The following SMCHD1 variants were observed in gnomAD, a reference collection of about 807,000 sequenced individuals.
SMCHD1 encodes the protein structural maintenance of chromosomes flexible hinge domain containing 1.
Under a neutral mutation model 254.7 loss-of-function variants are expected in SMCHD1, and 78 were observed. The ratio of observed to expected loss-of-function variants is 0.31; its 90% CI spans 0.26 to 0.37. SMCHD1 has a LOEUF of 0.37. SMCHD1 is among the 10% of genes least tolerant of loss of function. The pLI, the probability that SMCHD1 is intolerant of heterozygous loss-of-function variation, is 1.00. For missense variants in SMCHD1, 1,840 were observed against 2,408.1 expected (o/e 0.76, Z 4.94); for synonymous variants, 766 against 794.9 (o/e 0.96, Z 0.61).
intron 44 of SMCHD1, 78 bp downstream of exon 44, chr18:2,778,317 A>G: frequency 9.7e-7 from 1 of 1,027,948 alleles, no homozygotes; most frequent in South Asian, 1.5e-5. Context: ...TACATATACA[A>G]ACGACTAGCC....
chr18:2,743,430 G>A (rs1364497223), intron 28 of SMCHD1, among the ~76,000 whole-genome samples: 1 of 152,126 alleles, frequency 6.6e-6, no homozygotes, highest in Non-Finnish European at 1.5e-5. Context: ...GGTAAATAAT[G>A]TTGCAAACAG....
rs1334130745 is a variant in SMCHD1 at position 2,802,997 on chromosome 18, AG to A, written c.*448del. ...ACAAAGATGTTTTGTCTTTTGTGTAAGGGAGGTTCTAGAGGCTAGATGTTTA... is the reference window on the plus strand; with the variant it reads ...ACAAAGATGTTTTGTCTTTTGTGTAAGGAGGTTCTAGAGGCTAGATGTTTA... On this transcript the variant is annotated 3_prime_UTR_variant, in exon 48 of 48. Transcript: ENST00000320876. The A allele has an allele frequency of 5.2e-5, 8 of 152,428 alleles. No homozygotes were observed. Among genetic ancestry groups the A allele is most frequent in the African/African-American group, 1.7e-4 (7 of 41,408 alleles). 9.4% of individuals were successfully genotyped at this position (152,428 alleles called of 1,614,324 possible).
At chr18:2,800,927 C>A (rs1031619785) in intron 47 of SMCHD1, 1 of 152,066 alleles carries the variant, frequency 6.6e-6, no homozygotes, top group African/African-American at 2.4e-5. Flanking sequence ...GACTAGACCT[C>A]TTTTATAAAA....
intron 3 of SMCHD1, among the ~76,000 whole-genome samples, chr18:2,668,514 C>T (rs2073501540): frequency 6.6e-6 from 1 of 152,194 alleles, no homozygotes; most frequent in South Asian, 2.1e-4. Context: ...AGAGTGACTT[C>T]AGAGCTTGAA....
chr18:2,733,077 A>C (rs557734610), intron 25 of SMCHD1, among the ~76,000 whole-genome samples: 2 of 152,356 alleles, frequency 1.3e-5, no homozygotes, highest in East Asian at 1.9e-4. Context: ...GCCAAATCAA[A>C]ATGTTAAGTC....
chr18:2,796,851 G>A (rs1010666473), intron 47 of SMCHD1: 4 of 228,640 alleles, frequency 1.7e-5, no homozygotes, highest in Non-Finnish European at 3.4e-5. Context: ...TCAAAGTACT[G>A]GGATTACAGG....
chr18:2,662,192 T>TAAAG (rs1239470504), intron 1 of SMCHD1, among the ~76,000 whole-genome samples: 7 of 75,864 alleles, frequency 9.2e-5, no homozygotes, highest in East Asian at 2.6e-4. Context: ...AATAAATAAA[T>TAAAG]AAATAAATAA....
intron 24 of SMCHD1, among the ~76,000 whole-genome samples, chr18:2,729,866 A>G (rs903568715): frequency 6.6e-6 from 1 of 151,738 alleles, no homozygotes. Context: ...GGACCAATGC[A>G]CCTGGTTATT....
chr18:2,802,431 G>T, intron 47 of SMCHD1, 97 bp from the exon 48 acceptor site: 2 of 840,488 alleles, frequency 2.4e-6, no homozygotes, highest in Non-Finnish European at 3.7e-6. Context: ...AAAGAATATG[G>T]TTTCATTGGA....
rs528929842 is a variant in SMCHD1, at chr18:2,658,879, CACATAT to C, written c.186+2620_186+2625del. On this transcript the variant is annotated intron_variant, in intron 1 of 47. Coordinates refer to ENST00000320876, the MANE Select transcript of SMCHD1 (RefSeq NM_015295.3). ...ATATACATATATATACACACATACA[CACATAT>C]ATACACATATATACGTGTATACGCA... is the stretch of plus-strand genomic sequence containing the variant. Among the ~76,000 whole-genome samples the C allele has an allele frequency of 4.1e-3, 617 of 150,028 alleles. 3 individuals carry two copies. Among genetic ancestry groups the C allele is most frequent in the African/African-American group, 0.015 (596 of 40,734 alleles).
intron 45 of SMCHD1, among the ~76,000 whole-genome samples, chr18:2,791,031 AAG>A (rs1278183671): frequency 1.3e-5 from 2 of 152,218 alleles, no homozygotes; most frequent in African/African-American, 4.8e-5. Context: ...TGAAAATTAA[AAG>A]AATTTATTAA....
At chr18:2,687,180 G>A (rs1561821) in intron 5 of SMCHD1, among the ~76,000 whole-genome samples, 30,862 of 151,992 alleles carry the variant, frequency 0.2, 3,366 homozygotes, top group South Asian at 0.33. Context: ...TCAACAATAT[G>A]CACACACCAG....
chr18:2,723,818 C>T (rs1400063182), intron 20 of SMCHD1, among the ~76,000 whole-genome samples: 1 of 152,064 alleles, frequency 6.6e-6, no homozygotes, highest in Non-Finnish European at 1.5e-5. Flanking sequence ...AGTCTTTTTG[C>T]TTGTTTGTTT....
intron 32 of SMCHD1, 90 bp from the exon 33 acceptor site, chr18:2,751,184 TTAAA>T (rs2075564173): frequency 9.0e-6 from 6 of 667,276 alleles, no homozygotes; most frequent in Non-Finnish European, 1.3e-5. Context: ...CTTTAAACAT[TTAAA>T]TAAGATGTTT....
rs1289462544 is a variant in SMCHD1 at position 2,738,409 on chromosome 18, C to T, written c.3289C>T (p.Pro1097Ser). 1.2e-6 allele frequency: 2 copies of T among 1,600,352 alleles called. No individual in the cohort carries two copies. The highest frequency in any genetic ancestry group is 1.3e-5 in the African/African-American group (1 of 74,542). Residue 1097 changes from proline to serine, a missense_variant, in exon 26 of 48, where the codon CCT becomes TCT. Around this residue, in one of 9 missense-constraint regions of SMCHD1, gnomAD observed 881 missense variants for 1,009.5 expected, o/e 0.87. Coordinates refer to ENST00000320876, the MANE Select transcript of SMCHD1 (RefSeq NM_015295.3). The stretch of plus-strand genomic sequence containing the variant: ...CTTTTTCTCCTAGGTTAATTGGACT[C>T]CTGAGATTAACAAAGAACACTTGCT... Reference protein sequence around the residue: ...LAEKIKVNWTPEINKEHLLQG... With the variant: ...LAEKIKVNWTSEINKEHLLQG...
At position 2,718,179 on chromosome 18, in the gene SMCHD1, T is replaced by G; in HGVS notation, c.2282T>G (p.Ile761Ser). 6.2e-7 allele frequency: 1 copy of G among 1,612,144 alleles called. No individual in the cohort carries two copies. Among genetic ancestry groups the G allele is most frequent in the Non-Finnish European group, 8.5e-7 (1 of 1,178,946 alleles). The change falls in exon 18 of 48, where the codon ATT (isoleucine) becomes AGT (serine). Residue 761 changes from isoleucine to serine, a missense_variant. Around this residue, in one of 9 missense-constraint regions of SMCHD1, gnomAD observed 498 missense variants for 743.5 expected, o/e 0.67. Coordinates refer to ENST00000320876, the MANE Select transcript of SMCHD1 (RefSeq NM_015295.3). The surrounding 1 kb of genome is among the most constrained non-coding windows in gnomAD (Gnocchi z 4.6). Reference protein sequence around the residue: ...ILHSSSGNKEIISHISQHGGK... With the variant: ...ILHSSSGNKESISHISQHGGK... ...TAAGCTTCAAGTGGAAATAAAGAGA[T>G]TATTTCGCATATTAGTCAACATGGA...
intron 43 of SMCHD1, 50 bp from the exon 44 acceptor site, chr18:2,778,118 TG>T: frequency 7.3e-7 from 1 of 1,370,778 alleles, no homozygotes; most frequent in Non-Finnish European, 1.0e-6. Flanking sequence ...TATTTTAATA[TG>T]GCCAAGGAAA....
chr18:2,779,362 T>C (rs917029724), intron 44 of SMCHD1, among the ~76,000 whole-genome samples: 2 of 152,108 alleles, frequency 1.3e-5, no homozygotes, highest in Non-Finnish European at 2.9e-5. Flanking sequence ...CTGCTAGGGT[T>C]ATTGTTCTCA....
chr18:2,780,596 A>G (rs1444892841), intron 44 of SMCHD1, among the ~76,000 whole-genome samples: 2 of 152,220 alleles, frequency 1.3e-5, no homozygotes, highest in African/African-American at 4.8e-5. Context: ...CTCCTGTTCA[A>G]TGAGATATTT....
Sources: allele counts gnomAD v4.1 joint callset (sites outside exome capture counted in the v4.1 genomes callset), GRCh38; gene constraint gnomAD v4.1.1; regional missense constraint gnomAD v4.1.1; non-coding constraint Gnocchi (gnomAD v3.1); transcripts MANE v1.5; gene names NCBI Gene and HGNC (gene_info 2026-07-23, HGNC 2026-07-21).